Variants in PRR16 observed in about 807,000 individuals in gnomAD.
The protein encoded by PRR16 is protein Largen.
Under a neutral mutation model 18.2 loss-of-function variants are expected in PRR16, and 6 were observed. The observed-to-expected ratio is 0.33, with a 90% CI of 0.18 to 0.65. The LOEUF (loss-of-function observed/expected upper bound fraction) is 0.65, where lower values mean the gene tolerates loss of function less well. Ranked by LOEUF, PRR16 falls within the 30% of genes least tolerant of loss-of-function variation. PRR16 has a pLI of 0.74. For synonymous variants in PRR16, 151 were observed against 147.8 expected (o/e 1.02, Z -0.16); for missense variants, 412 against 376.6 (o/e 1.09, Z -0.78).
chr5:120,700,397 C>G, the PRR16 span, among the ~76,000 whole-genome samples: 1 of 151,738 alleles, frequency 6.6e-6, no homozygotes, highest in Non-Finnish European at 1.5e-5. Context: ...CATGATCGGT[C>G]GCCAAGGAGG....
chr5:120,496,945 A>G (rs1373563844), intron 1 of PRR16, among the ~76,000 whole-genome samples: 1 of 151,970 alleles, frequency 6.6e-6, no homozygotes, highest in Non-Finnish European at 1.5e-5. Flanking sequence ...TTTCCTTGAG[A>G]TTTATTCTTT....
chr5:120,555,022 C>A (rs1752365959), intron 1 of PRR16, among the ~76,000 whole-genome samples: 1 of 151,874 alleles, frequency 6.6e-6, no homozygotes, highest in Non-Finnish European at 1.5e-5. Flanking sequence ...TATTATTATG[C>A]AAGTTTATAT....
At chr5:120,647,868 T>C (rs1454789296) in intron 1 of PRR16, among the ~76,000 whole-genome samples, 2 of 152,032 alleles carry the variant, frequency 1.3e-5, no homozygotes, top group Admixed American at 1.3e-4. Flanking sequence ...ATAATTTTGT[T>C]TGGAGGGAAG....
At chr5:120,656,410 A>T (rs887382652) in intron 1 of PRR16, among the ~76,000 whole-genome samples, 2 of 149,864 alleles carry the variant, frequency 1.3e-5, no homozygotes, top group Admixed American at 1.4e-4. Context: ...ATAATCTATC[A>T]TGTCACATTA....
chr5:120,780,216 G>A, the PRR16 span, among the ~76,000 whole-genome samples: 1 of 152,126 alleles, frequency 6.6e-6, no homozygotes, highest in Non-Finnish European at 1.5e-5. Flanking sequence ...TGTATTTAGA[G>A]TTCATCAGCA....
intron 1 of PRR16, among the ~76,000 whole-genome samples, chr5:120,678,545 T>A (rs1047121717): frequency 3.3e-4 from 50 of 152,110 alleles, no homozygotes; most frequent in African/African-American, 1.1e-3. Context: ...GGAATACACA[T>A]AAATAGACAG....
intron 1 of PRR16, among the ~76,000 whole-genome samples, chr5:120,501,048 T>A (rs1359011811): frequency 6.6e-6 from 1 of 152,096 alleles, no homozygotes; most frequent in Non-Finnish European, 1.5e-5. Context: ...AGATTAAGTA[T>A]TTTCTCCTAA....
In PRR16 at chr5:120,686,456, A is replaced by T; in HGVS notation, c.662A>T (p.Asp221Val). The change falls in exon 2 of 2, where the codon GAT (aspartate) becomes GTT (valine). Residue 221 changes from aspartate (D) to valine (V), a missense_variant. By Grantham distance (152) the Asp-to-Val change is radical (BLOSUM62 -3). Coordinates refer to ENST00000407149, the MANE Select transcript of PRR16 (RefSeq NM_001300783.2). ...TACCATGGCTATTGTCCTGACTGTG[A>T]TACCCGGTATAACATAAAAAACAGG... ...VQYHGYCPDC[D>V]TRYNIKNREV... The T allele has an allele frequency of 1.9e-6, 3 of 1,614,116 alleles. No homozygotes were observed. Among genetic ancestry groups the T allele is most frequent in the Non-Finnish European group, 2.5e-6 (3 of 1,180,014 alleles).
chr5:120,564,497 C>T (rs1371392647), intron 1 of PRR16, among the ~76,000 whole-genome samples: 1 of 119,590 alleles, frequency 8.4e-6, no homozygotes, highest in East Asian at 2.0e-4. Context: ...TGCAAGGGCG[C>T]TGGCTGAGGC....
Position 120,505,584 on chromosome 5 carries a change from AT to A in PRR16, c.159+40941del, listed in dbSNP as rs1299500905. On this transcript the variant is annotated intron_variant, in intron 1 of 1. Coordinates refer to ENST00000407149, the MANE Select transcript of PRR16 (RefSeq NM_001300783.2). ...GGCTATCCATCACTGGAGGATGAAG[AT>A]TGAATGCATTTGGCGACTGTACAAG... Among the ~76,000 whole-genome samples the A allele has an allele frequency of 1.1e-4, 16 of 152,306 alleles. No homozygotes were observed. The East Asian group carries it at 2.7e-3, about 26-fold the overall frequency.
chr5:120,714,785 T>C, the PRR16 span, among the ~76,000 whole-genome samples: 39 of 152,250 alleles, frequency 2.6e-4, no homozygotes, highest in African/African-American at 8.9e-4. Context: ...GTGGCACATA[T>C]ACACCACGGA....
At chr5:120,785,561 G>A in the PRR16 span, among the ~76,000 whole-genome samples, 1 of 118,748 alleles carries the variant, frequency 8.4e-6, no homozygotes. Flanking sequence ...GTGTGTGTGT[G>A]TTTTGTTGTT....
At chr5:120,544,708 T>TTGAC (rs1301249841) in intron 1 of PRR16, among the ~76,000 whole-genome samples, 1 of 152,104 alleles carries the variant, frequency 6.6e-6, no homozygotes, top group Non-Finnish European at 1.5e-5. Flanking sequence ...TACCAATGGG[T>TTGAC]TGACTTATTT....
At chr5:120,781,924 T>TA in the PRR16 span, among the ~76,000 whole-genome samples, 1 of 152,158 alleles carries the variant, frequency 6.6e-6, no homozygotes, top group South Asian at 2.1e-4. Context: ...CAAGAATTGA[T>TA]AAAAATTCTA....
At chr5:120,655,107 A>C (rs1211674078) in intron 1 of PRR16, among the ~76,000 whole-genome samples, 1 of 151,968 alleles carries the variant, frequency 6.6e-6, no homozygotes, top group Admixed American at 6.6e-5. Context: ...ACTGAAAAGA[A>C]AAAGAGAAAT....
At chr5:120,601,512 C>T (rs768968229) in intron 1 of PRR16, among the ~76,000 whole-genome samples, 3 of 151,618 alleles carry the variant, frequency 2.0e-5, no homozygotes, top group Admixed American at 6.6e-5. Context: ...CTATTCTATG[C>T]GTTGACTGTT....
intron 1 of PRR16, among the ~76,000 whole-genome samples, chr5:120,579,593 T>C (rs1753197625): frequency 6.6e-6 from 1 of 152,220 alleles, no homozygotes; most frequent in Non-Finnish European, 1.5e-5. Context: ...AGTTCTCTGT[T>C]CTGCTCTATT....
the PRR16 span, among the ~76,000 whole-genome samples, chr5:120,706,270 G>T: frequency 6.6e-6 from 1 of 151,756 alleles, no homozygotes; most frequent in African/African-American, 2.4e-5. Flanking sequence ...GTCATCACCA[G>T]GCCTCCTGAT....
intron 1 of PRR16, among the ~76,000 whole-genome samples, chr5:120,556,192 A>G (rs1314399581): frequency 6.7e-6 from 1 of 149,324 alleles, no homozygotes; most frequent in African/African-American, 2.5e-5. Context: ...TCCAATTACC[A>G]GTGAGCTTTT....
Sources: allele counts gnomAD v4.1 joint callset (sites outside exome capture counted in the v4.1 genomes callset), GRCh38; gene constraint gnomAD v4.1.1; transcripts MANE v1.5; gene names NCBI Gene and HGNC (gene_info 2026-07-23, HGNC 2026-07-21).